CELF4: variants seen among roughly 807,000 people sequenced by gnomAD.
The protein encoded by CELF4 is CUGBP Elav-like family member 4, also known as CUG-BP- and ETR-3-like factor 4.
In CELF4, 18 loss-of-function variants were observed where a neutral mutation model predicts 59.9. The observed-to-expected ratio is 0.30, with a 90% CI of 0.21 to 0.45. CELF4 has a LOEUF of 0.45. Among genes scored for constraint, CELF4 ranks in the 20% least tolerant of loss-of-function variants. CELF4 has a pLI of 1.00. For synonymous variants in CELF4, 261 were observed against 267.1 expected (o/e 0.98, Z 0.22); for missense variants, 456 against 689.0 (o/e 0.66, Z 3.79).
intron 1 of CELF4, among the ~76,000 whole-genome samples, chr18:37,501,205 T>A (rs540647568): frequency 5.9e-5 from 9 of 152,342 alleles, no homozygotes; most frequent in Admixed American, 5.9e-4. Context: ...GCACGTTAGC[T>A]CAGACGCCAG....
At chr18:37,516,493 G>A (rs950835482) in intron 1 of CELF4, among the ~76,000 whole-genome samples, 4 of 152,194 alleles carry the variant, frequency 2.6e-5, no homozygotes, top group African/African-American at 4.8e-5. Context: ...CAGACTGACC[G>A]TTATCTCCAT....
intron 1 of CELF4, among the ~76,000 whole-genome samples, chr18:37,562,286 C>T (rs1279653716): frequency 6.6e-6 from 1 of 152,120 alleles, no homozygotes; most frequent in Non-Finnish European, 1.5e-5. Context: ...CTCCTTCCTT[C>T]TTTAGATATC....
intron 2 of CELF4, among the ~76,000 whole-genome samples, chr18:37,378,574 C>A (rs995389092): frequency 6.6e-6 from 1 of 152,164 alleles, no homozygotes; most frequent in African/African-American, 2.4e-5. Context: ...ACAACACTAG[C>A]GACAGGCAAG....
intron 6 of CELF4, chr18:37,274,058 G>C: frequency 7.5e-7 from 1 of 1,328,492 alleles, no homozygotes; most frequent in Non-Finnish European, 9.6e-7. Flanking sequence ...TTTCTGTGGG[G>C]CCTCTCTCAG....
intron 3 of CELF4, among the ~76,000 whole-genome samples, chr18:37,297,550 G>GT (rs1280402247): frequency 6.6e-6 from 1 of 152,130 alleles, no homozygotes; most frequent in African/African-American, 2.4e-5. Flanking sequence ...TCTATTTTTT[G>GT]TTTAAGATAA....
intron 2 of CELF4, among the ~76,000 whole-genome samples, chr18:37,470,836 C>CTGTGTGTGTGTGTGTGTGTG (rs71381583): frequency 1.1e-5 from 1 of 93,132 alleles, no homozygotes; most frequent in Non-Finnish European, 2.0e-5. Context: ...CTTCATGACT[C>CTGTGTGTGTGTGTGTGTGTG]TGTGTGTGTG....
intron 3 of CELF4, among the ~76,000 whole-genome samples, chr18:37,279,516 G>T (rs2093848300): frequency 6.6e-6 from 1 of 152,220 alleles, no homozygotes; most frequent in South Asian, 2.1e-4. Flanking sequence ...GGCAGAGCAA[G>T]GGGAGCAAGC....
At chr18:37,439,748 G>T (rs771416960) in intron 2 of CELF4, among the ~76,000 whole-genome samples, 5 of 152,192 alleles carry the variant, frequency 3.3e-5, no homozygotes, top group Non-Finnish European at 5.9e-5. Context: ...TGGGAGGCAG[G>T]GCTCAGTTTG....
intron 2 of CELF4, among the ~76,000 whole-genome samples, chr18:37,323,754 G>A (rs993673188): frequency 4.6e-5 from 7 of 152,126 alleles, no homozygotes; most frequent in Non-Finnish European, 1.0e-4. Context: ...CAGCTTTTCT[G>A]CTTATGTAAT....
chr18:37,273,925 A>G, intron 6 of CELF4: 1 of 1,058,522 alleles, frequency 9.4e-7, no homozygotes, highest in Non-Finnish European at 1.1e-6. Context: ...AGAAGGCCTG[A>G]AGTCACCGTT....
chr18:37,538,259 A>G (rs1228651177), intron 1 of CELF4, among the ~76,000 whole-genome samples: 1 of 152,178 alleles, frequency 6.6e-6, no homozygotes, highest in African/African-American at 2.4e-5. Context: ...TCTCCATGGA[A>G]GAAAGACCTC....
At position 37,462,808 on chromosome 18, in the gene CELF4, G is replaced by A. The variant is rs756537335; in HGVS notation, c.369+22717C>T. 6.0e-5 allele frequency among the ~76,000 whole-genome samples: 9 copies of A among 149,510 alleles called. No individual in the cohort carries two copies. The East Asian group carries it at 1.7e-3, about 29-fold the overall frequency. The stretch of plus-strand genomic sequence containing the variant: ...ACATTATGAGGTTTTTTTTTTTTGC[G>A]ATTTTTTTCTTTTGGCTCATCAGCT... On this transcript the variant is annotated intron_variant, in intron 2 of 12. Coordinates refer to ENST00000420428, the MANE Select transcript of CELF4 (RefSeq NM_020180.4).
chr18:37,333,440 A>G (rs914904881), intron 2 of CELF4, among the ~76,000 whole-genome samples: 1 of 148,786 alleles, frequency 6.7e-6, no homozygotes, highest in Non-Finnish European at 1.5e-5. Flanking sequence ...CTTTCTTAGT[A>G]TTTCCATCAC....
At chr18:37,345,100 G>A (rs968417366) in intron 2 of CELF4, among the ~76,000 whole-genome samples, 1 of 152,180 alleles carries the variant, frequency 6.6e-6, no homozygotes, top group Non-Finnish European at 1.5e-5. Flanking sequence ...GGGTGCCTCG[G>A]GAGGCTCTGT....
chr18:37,366,220 G>A (rs187547074), intron 2 of CELF4, among the ~76,000 whole-genome samples: 1 of 152,296 alleles, frequency 6.6e-6, no homozygotes, highest in Non-Finnish European at 1.5e-5. Flanking sequence ...GTAGGGCTGG[G>A]GCTGGAAAAG....
At chr18:37,285,800 G>A (rs865922737) in intron 3 of CELF4, among the ~76,000 whole-genome samples, 9 of 152,114 alleles carry the variant, frequency 5.9e-5, no homozygotes, top group South Asian at 2.1e-4. Context: ...GTGGTGGCGC[G>A]CAGCCATCTC....
At chr18:37,370,075 T>C (rs589066) in intron 2 of CELF4, among the ~76,000 whole-genome samples, 129,818 of 152,246 alleles carry the variant, frequency 0.85, 55,525 homozygotes, top group East Asian at 0.92. Context: ...GAAGCAGAGG[T>C]ACCTACAGCC....
chr18:37,396,532 G>A (rs1239892305), intron 2 of CELF4, among the ~76,000 whole-genome samples: 1 of 152,172 alleles, frequency 6.6e-6, no homozygotes, highest in Non-Finnish European at 1.5e-5. Context: ...GAGGTGAGCC[G>A]CTGTGAGAGC....
At chr18:37,470,920 G>GAGAGAGAGAGAGAGA (rs374277745) in intron 2 of CELF4, among the ~76,000 whole-genome samples, 1 of 147,476 alleles carries the variant, frequency 6.8e-6, no homozygotes, top group African/African-American at 2.5e-5. Flanking sequence ...GAGAGAGAGA[G>GAGAGAGAGAGAGAGA]GTGGAGCCTC....
Sources: gnomAD v4.1 joint callset for allele counts (sites outside exome capture counted in the v4.1 genomes callset) on GRCh38, gnomAD v4.1.1 for gene constraint, MANE v1.5 for transcripts, NCBI Gene and HGNC (gene_info 2026-07-23, HGNC 2026-07-21) for gene names.